Variants in LMBR1 observed in about 807,000 individuals in gnomAD.
LMBR1 encodes limb development membrane protein 1.
LMBR1 carries 52 observed loss-of-function variants against 73.9 expected under a neutral mutation model. That is an observed-to-expected ratio of 0.70 (90% CI 0.56 to 0.89). The LOEUF (loss-of-function observed/expected upper bound fraction) is 0.89, where lower values mean the gene tolerates loss of function less well. Ranked by LOEUF, LMBR1 falls within the 40% of genes least tolerant of loss-of-function variation. The pLI is 0.00. For missense variants in LMBR1, 539 were observed against 579.8 expected, an observed-to-expected ratio of 0.93 and a Z score of 0.72; for synonymous variants, 215 against 209.4, an observed-to-expected ratio of 1.03 and a Z score of -0.23.
intron 1 of LMBR1, among the ~76,000 whole-genome samples, chr7:156,885,389 C>T (rs1310214359): frequency 6.6e-6 from 1 of 151,612 alleles, no homozygotes; most frequent in African/African-American, 2.4e-5. Context: ...CAACCCCAGA[C>T]TTGGTTCCAA....
intron 15 of LMBR1, among the ~76,000 whole-genome samples, chr7:156,718,609 T>C (rs1158067270): frequency 6.6e-6 from 1 of 151,948 alleles, no homozygotes; most frequent in East Asian, 1.9e-4. Flanking sequence ...TGTAAGTAGC[T>C]GCCAGTAGTC....
intron 15 of LMBR1, among the ~76,000 whole-genome samples, chr7:156,718,670 G>C (rs1342646418): frequency 3.3e-5 from 5 of 152,136 alleles, no homozygotes; most frequent in Non-Finnish European, 1.5e-5. Flanking sequence ...CCAGGAAGTT[G>C]AGGCTGCAGT....
intron 15 of LMBR1, among the ~76,000 whole-genome samples, chr7:156,689,723 A>G (rs1333284855): frequency 6.6e-6 from 1 of 152,244 alleles, no homozygotes; most frequent in African/African-American, 2.4e-5. Flanking sequence ...CAGACACCAG[A>G]AGAGTACACA....
chr7:156,840,980 AAAAAGAAAAAG>A (rs1838604792), intron 1 of LMBR1, among the ~76,000 whole-genome samples: 4 of 148,866 alleles, frequency 2.7e-5, no homozygotes. Context: ...AAAAAAAAAA[AAAAAGAAAAAG>A]AAAAGAAACT....
At chr7:156,706,164 A>C (rs1810886801) in intron 15 of LMBR1, among the ~76,000 whole-genome samples, 1 of 151,990 alleles carries the variant, frequency 6.6e-6, no homozygotes, top group South Asian at 2.1e-4. Flanking sequence ...CAGTTAAAAA[A>C]AAAAAAAGAC....
At chr7:156,698,589 G>A (rs1480367696) in intron 15 of LMBR1, among the ~76,000 whole-genome samples, 3 of 152,178 alleles carry the variant, frequency 2.0e-5, no homozygotes, top group Non-Finnish European at 4.4e-5. Flanking sequence ...AAAGCTTGGG[G>A]CTTCCACCCT....
At chr7:156,704,299 C>T (rs1355510395) in intron 15 of LMBR1, among the ~76,000 whole-genome samples, 4 of 152,124 alleles carry the variant, frequency 2.6e-5, no homozygotes, top group Admixed American at 2.0e-4. Context: ...CACCAATAAC[C>T]GCCCCATAAC....
chr7:156,796,094 A>C (rs1184791246), intron 5 of LMBR1, among the ~76,000 whole-genome samples: 2 of 152,190 alleles, frequency 1.3e-5, no homozygotes, highest in Non-Finnish European at 2.9e-5. Flanking sequence ...ACCTTAAACT[A>C]AATAAGATAC....
intron 5 of LMBR1, among the ~76,000 whole-genome samples, chr7:156,774,963 T>C (rs1315221718): frequency 2.0e-5 from 3 of 152,146 alleles, no homozygotes; most frequent in Admixed American, 6.5e-5. Context: ...GAGCTAAACA[T>C]TGAGTATACA....
intron 5 of LMBR1, among the ~76,000 whole-genome samples, chr7:156,776,036 G>C (rs987138675): frequency 6.7e-6 from 1 of 149,032 alleles, no homozygotes; most frequent in African/African-American, 2.5e-5. Context: ...GATCGAATGA[G>C]TATTATATAT....
At chr7:156,854,437 T>TA (rs755452547) in intron 1 of LMBR1, among the ~76,000 whole-genome samples, 1 of 152,040 alleles carries the variant, frequency 6.6e-6, no homozygotes, top group Non-Finnish European at 1.5e-5. Flanking sequence ...AACTGTTAAT[T>TA]AAAAAATAAT....
intron 1 of LMBR1, among the ~76,000 whole-genome samples, chr7:156,883,323 C>G (rs771630981): frequency 2.2e-4 from 33 of 151,860 alleles, no homozygotes; most frequent in East Asian, 7.7e-4. Context: ...TGCTTGAACT[C>G]GGGAGGCGGA....
chr7:156,836,340 G>T (rs888628646), intron 2 of LMBR1, among the ~76,000 whole-genome samples: 6 of 152,124 alleles, frequency 3.9e-5, no homozygotes, highest in African/African-American at 1.4e-4. Context: ...TAAAGATATG[G>T]TAGTCCCTCT....
At chr7:156,721,932 G>A (rs1165805942) in intron 15 of LMBR1, among the ~76,000 whole-genome samples, 2 of 151,834 alleles carry the variant, frequency 1.3e-5, no homozygotes, top group Admixed American at 6.6e-5. Context: ...TAAAGCCTGC[G>A]ATGCATCAAC....
chr7:156,814,224 T>C (rs1403559646), intron 4 of LMBR1, among the ~76,000 whole-genome samples: 5 of 152,232 alleles, frequency 3.3e-5, no homozygotes, highest in African/African-American at 4.8e-5. Context: ...GACTGAATAA[T>C]GTCTCATACT....
chr7:156,878,811 A>G (rs1800611028), intron 1 of LMBR1, among the ~76,000 whole-genome samples: 1 of 152,210 alleles, frequency 6.6e-6, no homozygotes, highest in Non-Finnish European at 1.5e-5. Flanking sequence ...ACTATACTAT[A>G]AGGCCGTAGT....
intron 1 of LMBR1, among the ~76,000 whole-genome samples, chr7:156,881,905 G>T (rs1391387582): frequency 6.6e-6 from 1 of 151,844 alleles, no homozygotes; most frequent in Non-Finnish European, 1.5e-5. Flanking sequence ...CAGCTGCTAT[G>T]GAAAATATGT....
chr7:156,764,148 A>T (rs1387886807), intron 5 of LMBR1, among the ~76,000 whole-genome samples: 6 of 152,208 alleles, frequency 3.9e-5, no homozygotes, highest in Non-Finnish European at 8.8e-5. Flanking sequence ...GCACAGAGCC[A>T]AACAGTTCAG....
intron 15 of LMBR1, among the ~76,000 whole-genome samples, chr7:156,711,065 A>C (rs563208689): frequency 2.6e-5 from 4 of 152,294 alleles, no homozygotes; most frequent in East Asian, 1.9e-4. Context: ...AATCTCAGCA[A>C]TTTGGGAGGC....
Sources: allele counts gnomAD v4.1 joint callset (sites outside exome capture counted in the v4.1 genomes callset), GRCh38; gene constraint gnomAD v4.1.1; transcripts MANE v1.5; gene names NCBI Gene and HGNC (gene_info 2026-07-23, HGNC 2026-07-21).